The following SIPA1L3 variants were observed in gnomAD, a reference collection of about 807,000 sequenced individuals.
The protein encoded by SIPA1L3 is signal induced proliferation associated 1 like 3.
A neutral mutation model predicts 150.1 loss-of-function variants in SIPA1L3; 59 were observed. The ratio of observed to expected loss-of-function variants is 0.39; its 90% CI spans 0.32 to 0.49. The LOEUF is 0.49. SIPA1L3 is among the 20% of genes least tolerant of loss of function. SIPA1L3 has a pLI of 0.86. For synonymous variants in SIPA1L3, 1,070 were observed against 1,077.6 expected (o/e 0.99, Z 0.14); for missense variants, 2,211 against 2,489.5 (o/e 0.89, Z 2.38).
intron 3 of SIPA1L3, among the ~76,000 whole-genome samples, chr19:38,084,711 C>T (rs1015804937): frequency 6.8e-6 from 1 of 147,766 alleles, no homozygotes; most frequent in Admixed American, 6.9e-5. Flanking sequence ...GCGATCTCAG[C>T]TCACTGCAGC....
chr19:38,188,517 A>C (rs144797083), intron 16 of SIPA1L3, among the ~76,000 whole-genome samples: 2 of 152,194 alleles, frequency 1.3e-5, no homozygotes, highest in Non-Finnish European at 2.9e-5. Context: ...CTCAGAGATG[A>C]TGTCCAGTCC....
chr19:38,108,220 G>A (rs568476766), intron 7 of SIPA1L3, among the ~76,000 whole-genome samples: 12 of 152,278 alleles, frequency 7.9e-5, no homozygotes, highest in African/African-American at 1.9e-4. Flanking sequence ...CAGGAGGGGC[G>A]CAGAGAGCAG....
intron 1 of SIPA1L3, among the ~76,000 whole-genome samples, chr19:38,013,153 G>A (rs914684738): frequency 1.3e-5 from 2 of 152,178 alleles, no homozygotes; most frequent in Non-Finnish European, 2.9e-5. Flanking sequence ...GGCGCTGCTA[G>A]CAGGTGCTGG....
chr19:37,999,662 A>C (rs961394917), intron 1 of SIPA1L3, among the ~76,000 whole-genome samples: 1 of 152,128 alleles, frequency 6.6e-6, no homozygotes, highest in Non-Finnish European at 1.5e-5. Flanking sequence ...ATCGTTTAAG[A>C]ATGTTTCTTG....
chr19:38,114,442 AAAAT>A (rs1285349005), intron 8 of SIPA1L3, among the ~76,000 whole-genome samples: 2 of 151,942 alleles, frequency 1.3e-5, no homozygotes, highest in Non-Finnish European at 2.9e-5. Context: ...AAAAAAAAAA[AAAAT>A]TGCAAAGCTC....
At position 38,081,552 on chromosome 19, in the gene SIPA1L3, A is replaced by G. The variant is rs755397510; in HGVS notation, c.-14A>G. 2 of 1,562,256 alleles carry G rather than the reference A, an allele frequency of 1.3e-6. No homozygotes were observed. Among genetic ancestry groups the G allele is most frequent in the Non-Finnish European group, 1.7e-6 (2 of 1,150,540 alleles). ...CAGCGTACGGGGCCAGCAGCACTCCAGTGCCCGTGGACTATGACCACCTAT... is the reference window on the plus strand; with the variant it reads ...CAGCGTACGGGGCCAGCAGCACTCCGGTGCCCGTGGACTATGACCACCTAT... On this transcript the variant is annotated 5_prime_UTR_variant, in exon 3 of 22. Transcript: ENST00000222345.
In SIPA1L3 at chr19:37,988,706, A is replaced by C. The variant is rs113762360; in HGVS notation, c.-378-40383A>C. Among the ~76,000 whole-genome samples, 400 of 152,292 alleles carry C rather than the reference A, an allele frequency of 2.6e-3. 1 individual carries two copies. The highest frequency in any genetic ancestry group is 9.3e-3 in the African/African-American group (386 of 41,570). ...TAAATAAATAAGTAATACATAAATA[A>C]GAATTAAAAAGAGGAAAGTCAGTGT... On this transcript the variant is annotated intron_variant, in intron 1 of 21. Coordinates refer to ENST00000222345, the MANE Select transcript of SIPA1L3 (RefSeq NM_015073.3).
At chr19:38,130,941 C>A in intron 10 of SIPA1L3, 169 bp downstream of exon 10, 1 of 678,798 alleles carries the variant, frequency 1.5e-6, no homozygotes, top group Non-Finnish European at 2.4e-6. Flanking sequence ...ATCTACAGAG[C>A]GCTTACTGTA....
At chr19:38,112,228 A>C (rs1198059864) in intron 8 of SIPA1L3, among the ~76,000 whole-genome samples, 1 of 151,430 alleles carries the variant, frequency 6.6e-6, no homozygotes. Flanking sequence ...CACATAACAC[A>C]TGCACACACC....
At chr19:38,084,562 A>C (rs931490378) in intron 3 of SIPA1L3, among the ~76,000 whole-genome samples, 1 of 150,564 alleles carries the variant, frequency 6.6e-6, no homozygotes, top group African/African-American at 2.4e-5. Context: ...AAAAAAAAAA[A>C]AAAAAAAAGA....
At chr19:37,982,940 C>A (rs1967238195) in intron 1 of SIPA1L3, among the ~76,000 whole-genome samples, 1 of 152,184 alleles carries the variant, frequency 6.6e-6, no homozygotes, top group Admixed American at 6.5e-5. Flanking sequence ...CCTGGGTTGT[C>A]TTCCTGGGGT....
chr19:38,201,922 C>T lies in SIPA1L3; in HGVS notation c.5045C>T (p.Pro1682Leu). The T allele has an allele frequency of 6.2e-7, 1 of 1,614,100 alleles. No individual in the cohort carries two copies. Among genetic ancestry groups the T allele is most frequent in the Non-Finnish European group, 8.5e-7 (1 of 1,180,000 alleles). Residue 1682 changes from proline (P) to leucine (L), a missense_variant, in exon 20 of 22, where the codon CCT becomes CTT. Physicochemically the swap from Pro to Leu is moderately conservative, Grantham distance 98. Transcript: ENST00000222345. Reference sequence around the variant, plus strand: ...CCGGCCCTGAGCCCGGACATCCCGCCTGCACACAGTCCTGTCCACAGCCAC... The same window carrying T: ...CCGGCCCTGAGCCCGGACATCCCGCTTGCACACAGTCCTGTCCACAGCCAC... ...NDPALSPDIP[P>L]AHSPVHSHLS...
intron 4 of SIPA1L3, among the ~76,000 whole-genome samples, chr19:38,096,437 C>A (rs1240206829): frequency 2.0e-5 from 3 of 152,090 alleles, no homozygotes; most frequent in Non-Finnish European, 2.9e-5. Flanking sequence ...TTAGTAGAGA[C>A]AGGGTTTCAC....
intron 7 of SIPA1L3, 105 bp from the exon 8 acceptor site, chr19:38,110,122 G>A: frequency 9.3e-7 from 1 of 1,071,614 alleles, no homozygotes; most frequent in Non-Finnish European, 1.4e-6. Context: ...TGTGAGCAGG[G>A]AGTGGGAATG....
chr19:38,024,093 A>G (rs1968447239), intron 1 of SIPA1L3, among the ~76,000 whole-genome samples: 1 of 152,098 alleles, frequency 6.6e-6, no homozygotes, highest in Admixed American at 6.5e-5. Flanking sequence ...TGAGGTGGAA[A>G]TACGAGGGTG....
chr19:37,943,237 C>G (rs1217086700), intron 1 of SIPA1L3, among the ~76,000 whole-genome samples: 1 of 152,000 alleles, frequency 6.6e-6, no homozygotes, highest in Non-Finnish European at 1.5e-5. Flanking sequence ...CTCTTAATGC[C>G]CATTTCAACC....
At chr19:37,924,145 C>T (rs2046480761) in intron 1 of SIPA1L3, among the ~76,000 whole-genome samples, 1 of 152,074 alleles carries the variant, frequency 6.6e-6, no homozygotes, top group African/African-American at 2.4e-5. Context: ...TTCTTTATAT[C>T]TTTATTCTGT....
intron 3 of SIPA1L3, among the ~76,000 whole-genome samples, chr19:38,086,636 T>A (rs1245450628): frequency 1.3e-5 from 2 of 152,186 alleles, no homozygotes; most frequent in Non-Finnish European, 2.9e-5. Flanking sequence ...TGAGCCATGA[T>A]TGCACCACTG....
intron 2 of SIPA1L3, among the ~76,000 whole-genome samples, chr19:38,060,937 C>G (rs1323678841): frequency 6.6e-6 from 1 of 152,200 alleles, no homozygotes; most frequent in African/African-American, 2.4e-5. Context: ...GGTGATCTGC[C>G]CGCCTCAGCC....
Sources: allele counts gnomAD v4.1 joint callset (sites outside exome capture counted in the v4.1 genomes callset), GRCh38; gene constraint gnomAD v4.1.1; transcripts MANE v1.5; gene names NCBI Gene and HGNC (gene_info 2026-07-23, HGNC 2026-07-21).